CCND3: variants seen among roughly 807,000 people sequenced by gnomAD.
The protein encoded by CCND3 is cyclin D3, also known as G1/S-specific cyclin-D3.
In CCND3, 9 loss-of-function variants were observed where a neutral mutation model predicts 28.7. That is an observed-to-expected ratio of 0.31 (90% CI 0.19 to 0.55). The LOEUF (loss-of-function observed/expected upper bound fraction) is 0.55. Ranked by LOEUF, CCND3 falls within the 20% of genes least tolerant of loss-of-function variation. CCND3 has a pLI of 0.93. For synonymous variants in CCND3, 164 were observed against 163.9 expected (o/e 1.00, Z 0.00); for missense variants, 315 against 385.8 (o/e 0.82, Z 1.54).
At chr6:42,024,445 G>A (rs1026431134) in intron 1 of CCND3, among the ~76,000 whole-genome samples, 1 of 151,934 alleles carries the variant, frequency 6.6e-6, no homozygotes, top group Non-Finnish European at 1.5e-5. Context: ...AACACAGCTG[G>A]TGTGTGGAAG....
chr6:41,964,701 G>T (rs1761836804), intron 1 of CCND3, among the ~76,000 whole-genome samples: 1 of 152,176 alleles, frequency 6.6e-6, no homozygotes, highest in Admixed American at 6.5e-5. Context: ...GGTGGCAGGA[G>T]TCTGCAAGAG....
intron 1 of CCND3, among the ~76,000 whole-genome samples, chr6:41,967,725 T>C (rs537557607): frequency 6.6e-6 from 1 of 152,328 alleles, no homozygotes; most frequent in East Asian, 1.9e-4. Flanking sequence ...CAGACTTTCT[T>C]ATCCATTGTA....
rs149736568 is a variant in CCND3 at position 42,020,453 on chromosome 6, TG to T, written c.-46+28047del. Among the ~76,000 whole-genome samples the T allele has an allele frequency of 4.2e-3, 642 of 152,308 alleles. 3 individuals are homozygous for T. Among genetic ancestry groups the T allele is most frequent in the African/African-American group, 0.014 (598 of 41,576 alleles). ...GTTGATCAGGTCCCCGGAAGGACTC[TG>T]TATGGTTCCAGCCTTCATCCACATG... is the stretch of plus-strand genomic sequence containing the variant. On this transcript the variant is annotated intron_variant, in intron 1 of 4. Transcript: ENST00000372988.
At chr6:41,991,060 A>C (rs1341567345) in intron 1 of CCND3, among the ~76,000 whole-genome samples, 1 of 148,148 alleles carries the variant, frequency 6.8e-6, no homozygotes, top group Non-Finnish European at 1.5e-5. Context: ...TGCTGGGAAA[A>C]CTTTTTTTTT....
chr6:42,046,016 T>C (rs564662714), intron 1 of CCND3, among the ~76,000 whole-genome samples: 36 of 152,348 alleles, frequency 2.4e-4, no homozygotes, highest in African/African-American at 8.4e-4. Context: ...GTTCACGTCC[T>C]GCTTACCCGT....
intron 1 of CCND3, among the ~76,000 whole-genome samples, chr6:42,034,986 G>C (rs913424457): frequency 2.0e-5 from 3 of 152,112 alleles, no homozygotes; most frequent in Non-Finnish European, 4.4e-5. Context: ...TTCATAGCCT[G>C]ACACCTTTCC....
At chr6:41,969,304 G>C (rs1287990611) in intron 1 of CCND3, among the ~76,000 whole-genome samples, 2 of 151,940 alleles carry the variant, frequency 1.3e-5, no homozygotes, top group Non-Finnish European at 2.9e-5. Flanking sequence ...ACGAGGTCAA[G>C]AGATTGAGAC....
At chr6:42,015,132 G>T (rs1266670717) in intron 1 of CCND3, among the ~76,000 whole-genome samples, 2 of 152,136 alleles carry the variant, frequency 1.3e-5, no homozygotes, top group African/African-American at 4.8e-5. Context: ...GAGGCTCAAA[G>T]AGGTTAAAAG....
chr6:41,951,369 A>G (rs1436218754), intron 1 of CCND3, among the ~76,000 whole-genome samples: 1 of 151,598 alleles, frequency 6.6e-6, no homozygotes, highest in Admixed American at 6.6e-5. Flanking sequence ...CCTGGCCAAT[A>G]TGGTGAAACC....
intron 1 of CCND3, among the ~76,000 whole-genome samples, chr6:41,961,314 A>T (rs949949109): frequency 3.3e-5 from 5 of 152,136 alleles, no homozygotes; most frequent in Non-Finnish European, 7.3e-5. Flanking sequence ...CACACCTGTA[A>T]TCCCAGCACT....
At chr6:42,023,643 G>A (rs992285483) in intron 1 of CCND3, among the ~76,000 whole-genome samples, 1 of 152,086 alleles carries the variant, frequency 6.6e-6, no homozygotes, top group African/African-American at 2.4e-5. Flanking sequence ...ATAATAACTA[G>A]GGTAGCCGTA....
chr6:42,026,855 C>T (rs1002527367), intron 1 of CCND3, among the ~76,000 whole-genome samples: 10 of 152,212 alleles, frequency 6.6e-5, no homozygotes, highest in Non-Finnish European at 1.3e-4. Context: ...TGGTGGGATG[C>T]CATCTCCCAC....
chr6:41,970,805 C>T (rs1048497874), intron 1 of CCND3, among the ~76,000 whole-genome samples: 4 of 152,148 alleles, frequency 2.6e-5, no homozygotes, highest in African/African-American at 7.2e-5. Context: ...AAATACTTGG[C>T]CTTTTGGTTT....
chr6:41,976,109 T>C lies in CCND3; in HGVS notation c.-45-35524A>G, dbSNP rs538593274. On this transcript the variant is annotated intron_variant, in intron 1 of 4. Transcript: ENST00000372988. ...GCTCACACCTGTAATCCCAGCACTT[T>C]GGGAGGCTGAGGTGGGCGGATCACC... Among the ~76,000 whole-genome samples the C allele has an allele frequency of 5.3e-5, 8 of 152,210 alleles. No individual in the cohort carries two copies. In the South Asian group the frequency reaches 1.7e-3, roughly 32 times the overall value.
intron 1 of CCND3, among the ~76,000 whole-genome samples, chr6:41,951,060 C>T (rs1170503456): frequency 6.6e-6 from 1 of 151,994 alleles, no homozygotes; most frequent in Non-Finnish European, 1.5e-5. Context: ...TGATGATCCT[C>T]CATGATGCAG....
chr6:42,039,929 G>A (rs761524526), intron 1 of CCND3, among the ~76,000 whole-genome samples: 2 of 152,214 alleles, frequency 1.3e-5, no homozygotes, highest in South Asian at 2.1e-4. Flanking sequence ...GGGGGGATTC[G>A]TGTCAACACC....
chr6:41,960,719 C>CAG (rs1761696540), intron 1 of CCND3, among the ~76,000 whole-genome samples: 1 of 152,178 alleles, frequency 6.6e-6, no homozygotes, highest in Non-Finnish European at 1.5e-5. Context: ...GATGGATGGA[C>CAG]AGAGGGATGG....
chr6:42,036,420 TTTTTTTTG>T, intron 1 of CCND3, among the ~76,000 whole-genome samples: 1 of 118,682 alleles, frequency 8.4e-6, no homozygotes, highest in African/African-American at 3.3e-5. Flanking sequence ...TTTTTTTTTT[TTTTTTTTG>T]ACACAGGGTC....
At chr6:41,973,418 A>G (rs905079311) in intron 1 of CCND3, among the ~76,000 whole-genome samples, 2 of 152,196 alleles carry the variant, frequency 1.3e-5, no homozygotes, top group African/African-American at 4.8e-5. Flanking sequence ...ATATCCAACC[A>G]TAGAGGACTC....
Sources: allele counts gnomAD v4.1 joint callset (sites outside exome capture counted in the v4.1 genomes callset), GRCh38; gene constraint gnomAD v4.1.1; transcripts MANE v1.5; gene names NCBI Gene and HGNC (gene_info 2026-07-23, HGNC 2026-07-21).